The following SCHIP1 variants were observed in gnomAD, a reference collection of about 807,000 sequenced individuals.
The protein encoded by SCHIP1 is schwannomin interacting protein 1, also known as schwannomin-interacting protein 1.
In SCHIP1, 8 loss-of-function variants were observed where a neutral mutation model predicts 29.7. That is an observed-to-expected ratio of 0.27 (90% confidence interval 0.16 to 0.49). SCHIP1 has a LOEUF of 0.49. SCHIP1 is among the 20% of genes least tolerant of loss of function. SCHIP1 has a pLI of 0.99. For missense variants in SCHIP1, 193 were observed against 294.6 expected (o/e 0.66, Z 2.52); for synonymous variants, 76 against 94.9 (o/e 0.80, Z 1.16).
the SCHIP1 span, among the ~76,000 whole-genome samples, chr3:159,375,157 A>G: frequency 1.2e-4 from 18 of 152,334 alleles, no homozygotes; most frequent in African/African-American, 4.3e-4. Flanking sequence ...AATAAAAGAG[A>G]GTGTCCTCAG....
chr3:159,828,439 ACG>A, the SCHIP1 span, among the ~76,000 whole-genome samples: 32,869 of 105,488 alleles, frequency 0.31, 7,056 homozygotes, highest in East Asian at 0.75. Flanking sequence ...ACGTATATAT[ACG>A]TATATATATA....
At chr3:159,719,271 A>G in the SCHIP1 span, among the ~76,000 whole-genome samples, 1 of 152,246 alleles carries the variant, frequency 6.6e-6, no homozygotes, top group East Asian at 1.9e-4. Flanking sequence ...ACCTAAAATC[A>G]TAAAAACCCT....
chr3:159,818,600 C>T, the SCHIP1 span, among the ~76,000 whole-genome samples: 1 of 152,220 alleles, frequency 6.6e-6, no homozygotes, highest in Admixed American at 6.5e-5. Context: ...GAACCACTGC[C>T]CCTGCTACCA....
chr3:159,882,196 T>C (rs1716510591), intron 2 of SCHIP1, among the ~76,000 whole-genome samples: 1 of 152,228 alleles, frequency 6.6e-6, no homozygotes, highest in South Asian at 2.1e-4. Flanking sequence ...CACAGGTCTG[T>C]GGCAAGTCAT....
At chr3:159,342,421 T>G in the SCHIP1 span, among the ~76,000 whole-genome samples, 1 of 152,218 alleles carries the variant, frequency 6.6e-6, no homozygotes, top group African/African-American at 2.4e-5. Context: ...AAATTTTGCT[T>G]TACTAAGTCA....
chr3:159,745,896 C>T, the SCHIP1 span, among the ~76,000 whole-genome samples: 1 of 152,156 alleles, frequency 6.6e-6, no homozygotes, highest in Non-Finnish European at 1.5e-5. Flanking sequence ...TAATTAGTCA[C>T]AGTGCAAGGT....
At chr3:159,718,021 G>A in the SCHIP1 span, among the ~76,000 whole-genome samples, 99 of 152,274 alleles carry the variant, frequency 6.5e-4, 2 homozygotes, top group East Asian at 0.013. Flanking sequence ...ACATTCAAAA[G>A]CTTATACACC....
chr3:159,487,306 T>C, the SCHIP1 span, among the ~76,000 whole-genome samples: 1 of 152,176 alleles, frequency 6.6e-6, no homozygotes, highest in African/African-American at 2.4e-5. Flanking sequence ...TTTCTATGGT[T>C]TGCAAGTGCC....
At chr3:159,289,423 T>G in the SCHIP1 span, among the ~76,000 whole-genome samples, 2 of 152,086 alleles carry the variant, frequency 1.3e-5, no homozygotes, top group South Asian at 4.2e-4. Flanking sequence ...ATTTATTTAT[T>G]TATTTATTTA....
At chr3:159,326,477 A>G in the SCHIP1 span, among the ~76,000 whole-genome samples, 1 of 151,716 alleles carries the variant, frequency 6.6e-6, no homozygotes, top group Non-Finnish European at 1.5e-5. Flanking sequence ...GATAGACTGA[A>G]TTATCTCTTT....
the SCHIP1 span, among the ~76,000 whole-genome samples, chr3:159,467,367 C>T: frequency 6.6e-6 from 1 of 152,020 alleles, no homozygotes; most frequent in Non-Finnish European, 1.5e-5. Context: ...GGCCCACTTA[C>T]ATGATTATGG....
intron 6 of SCHIP1, chr3:159,893,988 G>A (rs993084858): frequency 6.6e-6 from 1 of 152,378 alleles, no homozygotes; most frequent in Admixed American, 6.5e-5. Context: ...TGGCTGTGGG[G>A]ACTGCTGGGA....
chr3:159,703,877 T>G, the SCHIP1 span, among the ~76,000 whole-genome samples: 1 of 152,174 alleles, frequency 6.6e-6, no homozygotes, highest in Non-Finnish European at 1.5e-5. Flanking sequence ...AGCCTCTATC[T>G]CATATTTCCT....
the SCHIP1 span, among the ~76,000 whole-genome samples, chr3:159,574,942 G>C: frequency 6.6e-6 from 1 of 152,250 alleles, no homozygotes; most frequent in Non-Finnish European, 1.5e-5. Context: ...TTGTCTGCCA[G>C]TTGCTAAAAC....
intron 2 of SCHIP1, among the ~76,000 whole-genome samples, chr3:159,883,252 T>C (rs1443402218): frequency 1.3e-5 from 2 of 152,106 alleles, no homozygotes; most frequent in African/African-American, 4.8e-5. Context: ...ATGAGGATCG[T>C]GTTCTGTTTT....
At chr3:159,881,666 A>G (rs1489089762) in intron 2 of SCHIP1, among the ~76,000 whole-genome samples, 6 of 152,224 alleles carry the variant, frequency 3.9e-5, no homozygotes, top group Non-Finnish European at 7.3e-5. Flanking sequence ...TGGATTCTAA[A>G]ATCAGAAGTC....
the SCHIP1 span, among the ~76,000 whole-genome samples, chr3:159,804,181 A>C: frequency 6.6e-6 from 1 of 152,192 alleles, no homozygotes; most frequent in South Asian, 2.1e-4. Flanking sequence ...GTAAAACCCC[A>C]CAATGAACTA....
chr3:159,852,965 C>G (rs1323064468), intron 1 of SCHIP1: 1 of 158,534 alleles, frequency 6.3e-6, no homozygotes, highest in Non-Finnish European at 1.4e-5. Flanking sequence ...CACAGAGCTC[C>G]AGTCCACACT....
the SCHIP1 span, among the ~76,000 whole-genome samples, chr3:159,557,715 G>C: frequency 6.6e-6 from 1 of 152,102 alleles, no homozygotes; most frequent in Non-Finnish European, 1.5e-5. Flanking sequence ...CTGAAAATTC[G>C]ATCCCTTAAA....
Sources: gnomAD v4.1 joint callset for allele counts (sites outside exome capture counted in the v4.1 genomes callset) on GRCh38, gnomAD v4.1.1 for gene constraint, MANE v1.5 for transcripts, NCBI Gene and HGNC (gene_info 2026-07-23, HGNC 2026-07-21) for gene names.